The following SLC9A6 variants were observed in gnomAD, a reference collection of about 807,000 sequenced individuals.
SLC9A6 encodes the protein sodium/hydrogen exchanger 6.
SLC9A6 carries 6 observed loss-of-function variants against 45.3 expected under a neutral mutation model. The observed-to-expected ratio is 0.13, with a 90% CI of 0.07 to 0.26. The LOEUF is 0.26. Among genes scored for constraint, SLC9A6 ranks in the 10% least tolerant of loss-of-function variants. The probability of loss-of-function intolerance (pLI) is 1.00; values close to 1 mark genes in which losing one functional copy is unlikely to be tolerated. For missense variants in SLC9A6, 278 were observed against 503.7 expected (o/e 0.55, Z 4.29); for synonymous variants, 191 against 187.7 (o/e 1.02, Z -0.14).
At chrX:135,989,340 G>A (rs1053226056) in intron 2 of SLC9A6, among the ~76,000 whole-genome samples, 23 of 111,845 alleles carry the variant, frequency 2.1e-4, no homozygotes, top group African/African-American at 7.5e-4. Flanking sequence ...AAGTTGTCGA[G>A]GTAGTTAAAT....
intron 17 of SLC9A6, among the ~76,000 whole-genome samples, chrX:136,043,315 T>C (rs1278144568): frequency 1.8e-5 from 2 of 112,159 alleles, no homozygotes; most frequent in Non-Finnish European, 3.8e-5. Flanking sequence ...TGCCTTAGCC[T>C]CCCCAGTAGC....
intron 1 of SLC9A6, 23 bp downstream of exon 1, chrX:135,985,500 G>A: frequency 9.1e-7 from 1 of 1,093,762 alleles, no homozygotes; most frequent in Middle Eastern, 3.5e-4. Context: ...GGCGGGGGGA[G>A]ACATGGCTCG....
upstream of SLC9A6, chrX:135,974,014 G>C: frequency 4.2e-6 from 3 of 708,396 alleles, no homozygotes; most frequent in South Asian, 2.3e-5. Context: ...ATGGGGGCAG[G>C]GCCAGTGGCG....
chrX:136,029,956 T>G, intron 14 of SLC9A6, 176 bp from the exon 15 acceptor site: 1 of 470,218 alleles, frequency 2.1e-6, no homozygotes, highest in Non-Finnish European at 3.8e-6. Context: ...TCCAAGCTGT[T>G]GCTAAGGAAA....
chrX:136,021,175 T>C (rs1472324761), intron 11 of SLC9A6, among the ~76,000 whole-genome samples: 2 of 111,310 alleles, frequency 1.8e-5, no homozygotes, highest in Non-Finnish European at 3.8e-5. Context: ...TATACACATA[T>C]ATCTATACAT....
In SLC9A6 at chrX:136,045,038, T is replaced by TA. The variant is rs1161238565; in HGVS notation, c.*315dup. On this transcript the variant is annotated 3_prime_UTR_variant, in exon 18 of 18. Coordinates refer to ENST00000630721, the MANE Select transcript of SLC9A6 (RefSeq NM_001379110.1). Reference sequence around the variant, plus strand: ...TGACGGATTTTCTCTTTCTTAAACTTACCTGACACTTAACCAGAGTACCAG... The same window carrying TA: ...TGACGGATTTTCTCTTTCTTAAACTTAACCTGACACTTAACCAGAGTACCAG... 3.5e-5 allele frequency: 8 copies of TA among 228,233 alleles called. No homozygotes were observed. The highest frequency in any genetic ancestry group is 1.5e-3 in the Middle Eastern group (1 of 667). 18.8% of individuals were successfully genotyped at this position (228,233 alleles called of 1,213,427 possible).
chrX:136,027,703 A>G (rs2071253569), intron 13 of SLC9A6, among the ~76,000 whole-genome samples: 1 of 112,431 alleles, frequency 8.9e-6, no homozygotes, highest in African/African-American at 3.2e-5. Context: ...TGTGGCCTGT[A>G]GGCTGTACTT....
At chrX:135,995,828 C>T (rs1351029690) in intron 3 of SLC9A6, among the ~76,000 whole-genome samples, 1 of 110,252 alleles carries the variant, frequency 9.1e-6, no homozygotes, top group East Asian at 2.8e-4. Context: ...GTGCATAAAG[C>T]TTTATGTTAG....
chrX:135,995,624 G>A (rs1325004728), intron 3 of SLC9A6, among the ~76,000 whole-genome samples: 1 of 112,015 alleles, frequency 8.9e-6, no homozygotes, highest in African/African-American at 3.2e-5. Context: ...GCGCCCAGCC[G>A]GTCCTTATAG....
chrX:136,021,339 C>T lies in SLC9A6; in HGVS notation c.1195-1247C>T, dbSNP rs149187544. On this transcript the variant is annotated intron_variant, in intron 11 of 17. Transcript: ENST00000630721. ...CTAACAGTAAGAAACCTTGTTGTCA[C>T]CACTTGCCATCCATTTACCTAATTG... Among the ~76,000 whole-genome samples the T allele has an allele frequency of 4.8e-3, 540 of 111,716 alleles. 2 individuals are homozygous for T. The highest frequency in any genetic ancestry group is 0.015 in the African/African-American group (473 of 30,729).
At chrX:136,013,659 A>G (rs1488955573) in intron 10 of SLC9A6, among the ~76,000 whole-genome samples, 1 of 111,844 alleles carries the variant, frequency 8.9e-6, no homozygotes, top group African/African-American at 3.2e-5. Context: ...GACTGTTACT[A>G]TTGTGGCTTC....
At chrX:135,975,525 GTCTT>G (rs1217632318) in intron 1 of SLC9A6, among the ~76,000 whole-genome samples, 2 of 112,076 alleles carry the variant, frequency 1.8e-5, no homozygotes, top group Non-Finnish European at 3.8e-5. Context: ...TTTACTGTCT[GTCTT>G]TCCCCACTGG....
rs1214786018 is a variant in SLC9A6, at chrX:136,045,692, T to C, written c.*968T>C. On this transcript the variant is annotated 3_prime_UTR_variant, in exon 18 of 18. Coordinates refer to ENST00000630721, the MANE Select transcript of SLC9A6 (RefSeq NM_001379110.1). ...TATATCGATTTAAATTGCTGCTCTT[T>C]AGCAGCCAAACAGGAGCAAAATGTA... 2 of 112,878 alleles carry C rather than the reference T, an allele frequency of 1.8e-5. No individual in the cohort carries two copies. The highest frequency in any genetic ancestry group is 3.7e-4 in the South Asian group (1 of 2,732). 9.3% of individuals were successfully genotyped at this position (112,878 alleles called of 1,213,427 possible).
chrX:135,986,953 G>T (rs2089348559), intron 2 of SLC9A6, among the ~76,000 whole-genome samples: 2 of 111,689 alleles, frequency 1.8e-5, no homozygotes, highest in Admixed American at 1.9e-4. Context: ...TTGTCTCTCA[G>T]ACTTGCAGAT....
chrX:136,033,933 C>A (rs782188696), intron 16 of SLC9A6, among the ~76,000 whole-genome samples: 37 of 111,669 alleles, frequency 3.3e-4, no homozygotes, highest in Non-Finnish European at 6.4e-4. Flanking sequence ...CTGCGCTGTT[C>A]AGCAATACAC....
In SLC9A6 at chrX:136,045,485, T is replaced by C. The variant is rs890616251; in HGVS notation, c.*761T>C. 9.0e-6 allele frequency: 1 copy of C among 111,575 alleles called. No individual in the cohort carries two copies. The highest frequency in any genetic ancestry group is 1.9e-5 in the Non-Finnish European group (1 of 53,073). The allele number at this position is 111,575 out of a possible 1,213,427, so 9.2% of individuals were successfully genotyped here. A position where few individuals can be genotyped will look rare whatever the true frequency, so the allele number is the denominator to read the frequency against. ...TATAGTTCAGGGCACTTGATTTAGA[T>C]TTGGAGGGGCTGGGGTGGGCAGAGA... On this transcript the variant is annotated 3_prime_UTR_variant, in exon 18 of 18. Coordinates refer to ENST00000630721, the MANE Select transcript of SLC9A6 (RefSeq NM_001379110.1).
chrX:136,003,626 T>A (rs1449092440), intron 7 of SLC9A6, among the ~76,000 whole-genome samples: 1 of 112,204 alleles, frequency 8.9e-6, no homozygotes, highest in Non-Finnish European at 1.9e-5. Flanking sequence ...AATGGTAGGC[T>A]GAATGTCCCA....
chrX:135,980,442 ACT>A (rs2089281493), upstream of SLC9A6, among the ~76,000 whole-genome samples: 2 of 111,536 alleles, frequency 1.8e-5, no homozygotes, highest in South Asian at 7.4e-4. Context: ...CTAGTATTAC[ACT>A]GAGTGAAGCT....
chrX:136,000,307 C>CATTTTA (rs1303469951), intron 6 of SLC9A6, among the ~76,000 whole-genome samples: 3 of 105,664 alleles, frequency 2.8e-5, no homozygotes, highest in Non-Finnish European at 3.9e-5. Flanking sequence ...GTTAGAGGGC[C>CATTTTA]ATTTTAGAGA....
Sources: allele counts gnomAD v4.1 joint callset (sites outside exome capture counted in the v4.1 genomes callset), GRCh38; gene constraint gnomAD v4.1.1; transcripts MANE v1.5; gene names NCBI Gene and HGNC (gene_info 2026-07-23, HGNC 2026-07-21).